The following INSYN2B variants were observed in gnomAD, a reference collection of about 807,000 sequenced individuals.
The protein encoded by INSYN2B is inhibitory synaptic factor family member 2B.
INSYN2B carries 16 observed loss-of-function variants against 41.2 expected under a neutral mutation model. The observed-to-expected ratio is 0.39, with a 90% confidence interval of 0.26 to 0.59. The LOEUF (loss-of-function observed/expected upper bound fraction) is 0.59. Among genes scored for constraint, INSYN2B ranks in the 20% least tolerant of loss-of-function variants. The probability of loss-of-function intolerance (pLI) is 0.57; values close to 1 mark genes in which losing one functional copy is unlikely to be tolerated. For missense variants in INSYN2B, 608 were observed against 646.4 expected (o/e 0.94, Z 0.64); for synonymous variants, 245 against 244.4 (o/e 1.00, Z -0.02).
Position 169,884,490 on chromosome 5 carries a change from C to T in INSYN2B, c.-592G>A, listed in dbSNP as rs1281192311. On this transcript the variant is annotated 5_prime_UTR_variant, in exon 2 of 4. Coordinates refer to ENST00000377365, the MANE Select transcript of INSYN2B (RefSeq NM_001129891.3). ...TGCTTGTTTGATGATACATGATGCT[C>T]CCAAGGGAACATTCCCATTTATGTC... is the stretch of plus-strand genomic sequence containing the variant. 6.6e-6 allele frequency: 1 copy of T among 152,214 alleles called. No individual in the cohort carries two copies. Among genetic ancestry groups the T allele is most frequent in the Non-Finnish European group, 1.5e-5 (1 of 68,066 alleles). 9.4% of individuals were successfully genotyped at this position (152,214 alleles called of 1,614,324 possible).
At chr5:169,967,800 A>G (rs1489851772) in intron 1 of INSYN2B, among the ~76,000 whole-genome samples, 2 of 151,994 alleles carry the variant, frequency 1.3e-5, no homozygotes, top group African/African-American at 4.8e-5. Context: ...GAGAGAAATG[A>G]ACAAACTCAA....
chr5:169,894,717 C>G (rs1490963657), intron 1 of INSYN2B, among the ~76,000 whole-genome samples: 3 of 152,210 alleles, frequency 2.0e-5, no homozygotes, highest in Non-Finnish European at 4.4e-5. Context: ...GTGCAACACA[C>G]AGTAGGTGCT....
intron 3 of INSYN2B, chr5:169,875,347 C>T (rs1207697609): frequency 2.2e-6 from 1 of 456,374 alleles, no homozygotes; most frequent in Non-Finnish European, 4.4e-6. Context: ...GCAGATGGTC[C>T]ACGACCACGC....
rs948335841 is a variant in INSYN2B, at chr5:169,884,214, C to T, written c.-316G>A. 3 of 216,242 alleles carry T rather than the reference C, an allele frequency of 1.4e-5. No homozygotes were observed. Among genetic ancestry groups the T allele is most frequent in the African/African-American group, 6.8e-5 (3 of 44,056 alleles). 13.4% of individuals were successfully genotyped at this position (216,242 alleles called of 1,614,324 possible). On this transcript the variant is annotated 5_prime_UTR_variant, in exon 2 of 4. Coordinates refer to ENST00000377365, the MANE Select transcript of INSYN2B (RefSeq NM_001129891.3). The stretch of plus-strand genomic sequence containing the variant: ...CCAAGAGAGCTGGTAGGCGGTTTAT[C>T]AAGGGAGGCTGGCACGCGGTTCTGA...
Position 169,883,656 on chromosome 5 carries a change from G to C in INSYN2B, c.243C>G (p.Leu81=), listed in dbSNP as rs1772800186. 3 of 1,551,202 alleles carry C rather than the reference G, an allele frequency of 1.9e-6. No homozygotes were observed. In the South Asian group the frequency reaches 3.6e-5, roughly 18 times the overall value. The part of the protein sequence containing the change: ...TRHHLPPTYS[L]SFPRSQKAGG... ...CTGCCTTCTGGGACCTGGGGAAGGA[G>C]AGCGAGTAGGTGGGGGGAAGATGGT... Residue 81 remains leucine, a synonymous_variant, in exon 2 of 4, where the codon CTC becomes CTG. Coordinates refer to ENST00000377365, the MANE Select transcript of INSYN2B (RefSeq NM_001129891.3).
chr5:169,908,403 C>T (rs116758662), intron 1 of INSYN2B, among the ~76,000 whole-genome samples: 84 of 152,244 alleles, frequency 5.5e-4, no homozygotes, highest in African/African-American at 1.9e-3. Context: ...AATATGCTTT[C>T]CCCTGCTCCA....
At chr5:169,944,164 C>T (rs1776356496) in intron 1 of INSYN2B, among the ~76,000 whole-genome samples, 1 of 152,134 alleles carries the variant, frequency 6.6e-6, no homozygotes, top group African/African-American at 2.4e-5. Flanking sequence ...GGCTCAGGGG[C>T]GTGAGCTGCC....
In INSYN2B at chr5:169,863,424, T is replaced by C. The variant is rs1015218186; in HGVS notation, c.*849A>G. ...GGTTGCTGGATCTCATGATTTTAAA[T>C]ATTGCAGGTAAGTTAACTATGGAGT... On this transcript the variant is annotated 3_prime_UTR_variant, in exon 4 of 4. Coordinates refer to ENST00000377365, the MANE Select transcript of INSYN2B (RefSeq NM_001129891.3). Among the ~76,000 whole-genome samples the C allele has an allele frequency of 1.3e-5, 2 of 152,236 alleles. No individual in the cohort carries two copies. Among genetic ancestry groups the C allele is most frequent in the Non-Finnish European group, 2.9e-5 (2 of 68,034 alleles).
At chr5:169,894,516 CT>C (rs1262950141) in intron 1 of INSYN2B, among the ~76,000 whole-genome samples, 2 of 152,212 alleles carry the variant, frequency 1.3e-5, no homozygotes, top group Admixed American at 6.5e-5. Context: ...GGTTTTCCCA[CT>C]TCTGGATCCC....
intron 1 of INSYN2B, among the ~76,000 whole-genome samples, chr5:169,915,842 G>A (rs141417164): frequency 6.6e-6 from 1 of 152,288 alleles, no homozygotes; most frequent in East Asian, 1.9e-4. Flanking sequence ...ATGCAGGTGT[G>A]AGATTGATGA....
chr5:169,943,385 G>A (rs923580153), intron 1 of INSYN2B, among the ~76,000 whole-genome samples: 11 of 152,160 alleles, frequency 7.2e-5, no homozygotes, highest in South Asian at 2.1e-4. Flanking sequence ...CCTGTGGCCC[G>A]CGGGCCATAT....
At chr5:169,865,865 A>G (rs1771513914) in intron 3 of INSYN2B, among the ~76,000 whole-genome samples, 1 of 152,198 alleles carries the variant, frequency 6.6e-6, no homozygotes, top group Non-Finnish European at 1.5e-5. Flanking sequence ...CATTAAAGGG[A>G]CATCTGCCCT....
chr5:169,955,146 C>G (rs1776811467), intron 1 of INSYN2B, among the ~76,000 whole-genome samples: 2 of 152,174 alleles, frequency 1.3e-5, no homozygotes, highest in South Asian at 2.1e-4. Context: ...AGCTGAGGAG[C>G]TACATGGCCA....
chr5:169,955,582 G>A (rs1776832220), intron 1 of INSYN2B, among the ~76,000 whole-genome samples: 2 of 152,154 alleles, frequency 1.3e-5, no homozygotes, highest in African/African-American at 4.8e-5. Flanking sequence ...TGACCTTGTT[G>A]GTTCTTTCCA....
intron 1 of INSYN2B, among the ~76,000 whole-genome samples, chr5:169,975,214 A>G (rs2161366): frequency 0.32 from 48,402 of 152,066 alleles, 8,194 homozygotes; most frequent in Admixed American, 0.37. Flanking sequence ...TTTAAAACAT[A>G]ATTTGTGCTT....
intron 1 of INSYN2B, among the ~76,000 whole-genome samples, chr5:169,904,590 A>G (rs964211854): frequency 6.6e-6 from 1 of 152,022 alleles, no homozygotes; most frequent in Non-Finnish European, 1.5e-5. Context: ...CCATCATCTC[A>G]TTCTCTCTCA....
chr5:169,956,630 A>G (rs1274997308), intron 1 of INSYN2B, among the ~76,000 whole-genome samples: 2 of 152,220 alleles, frequency 1.3e-5, no homozygotes, highest in East Asian at 1.9e-4. Flanking sequence ...AAGAAAATAC[A>G]TTGACTCAAT....
At chr5:169,922,269 G>A (rs1466120015) in intron 1 of INSYN2B, among the ~76,000 whole-genome samples, 1 of 152,190 alleles carries the variant, frequency 6.6e-6, no homozygotes, top group Non-Finnish European at 1.5e-5. Flanking sequence ...TCATCTTATG[G>A]AGGAAAAGAT....
chr5:169,960,172 A>T (rs1342188799), intron 1 of INSYN2B, among the ~76,000 whole-genome samples: 3 of 152,220 alleles, frequency 2.0e-5, no homozygotes, highest in Admixed American at 2.0e-4. Flanking sequence ...AGTACCCATG[A>T]TAAATTTCCA....
Sources: gnomAD v4.1 joint callset for allele counts (sites outside exome capture counted in the v4.1 genomes callset) on GRCh38, gnomAD v4.1.1 for gene constraint, MANE v1.5 for transcripts, NCBI Gene and HGNC (gene_info 2026-07-23, HGNC 2026-07-21) for gene names.